The following NRG1 variants were observed in gnomAD, a reference collection of about 807,000 sequenced individuals.
The protein encoded by NRG1 is pro-neuregulin-1, membrane-bound isoform.
A neutral mutation model predicts 63.8 loss-of-function variants in NRG1; 18 were observed. That is an observed-to-expected ratio of 0.28 (90% CI 0.19 to 0.42). The LOEUF (loss-of-function observed/expected upper bound fraction) is 0.42. NRG1 is among the 10% of genes least tolerant of loss of function. The pLI is 1.00. For synonymous variants in NRG1, 302 were observed against 301.3 expected (o/e 1.00, Z -0.02); for missense variants, 762 against 814.7 (o/e 0.94, Z 0.79).
chr8:31,966,202 A>G (rs1806296352), intron 1 of NRG1, among the ~76,000 whole-genome samples: 1 of 151,278 alleles, frequency 6.6e-6, no homozygotes, highest in Admixed American at 6.6e-5. Flanking sequence ...TGCAATGTCA[A>G]GAAACATTTT....
chr8:32,382,221 A>G (rs933356485), intron 1 of NRG1, among the ~76,000 whole-genome samples: 1 of 152,200 alleles, frequency 6.6e-6, no homozygotes, highest in Non-Finnish European at 1.5e-5. Flanking sequence ...CAAATTTAGC[A>G]GGTGTCAGAA....
intron 1 of NRG1, among the ~76,000 whole-genome samples, chr8:32,074,130 A>T (rs1193686666): frequency 6.6e-6 from 1 of 152,186 alleles, no homozygotes; most frequent in Non-Finnish European, 1.5e-5. Flanking sequence ...TACTATACTA[A>T]ACCAAGGATG....
intron 1 of NRG1, among the ~76,000 whole-genome samples, chr8:32,505,274 T>G (rs1828382460): frequency 6.6e-6 from 1 of 152,200 alleles, no homozygotes; most frequent in South Asian, 2.1e-4. Flanking sequence ...CTTGTTAATT[T>G]TGTTAAGGGA....
intron 1 of NRG1, among the ~76,000 whole-genome samples, chr8:31,705,798 A>T (rs73672714): frequency 6.6e-6 from 1 of 152,190 alleles, no homozygotes. Context: ...TTAATATTCT[A>T]TGCTTTCAGA....
intron 1 of NRG1, among the ~76,000 whole-genome samples, chr8:32,332,886 A>T (rs1802820920): frequency 6.6e-6 from 1 of 152,214 alleles, no homozygotes; most frequent in South Asian, 2.1e-4. Context: ...TGATTTAAAT[A>T]ATACATGCCC....
intron 1 of NRG1, among the ~76,000 whole-genome samples, chr8:32,149,716 G>A (rs1384714554): frequency 6.6e-6 from 1 of 152,140 alleles, no homozygotes; most frequent in Non-Finnish European, 1.5e-5. Context: ...TATCTGTCAG[G>A]AACTTCATAT....
intron 1 of NRG1, among the ~76,000 whole-genome samples, chr8:32,313,354 C>T (rs1857032057): frequency 6.6e-6 from 1 of 152,138 alleles, no homozygotes; most frequent in Non-Finnish European, 1.5e-5. Context: ...GACTTGTTTG[C>T]CACTACTCAG....
intron 1 of NRG1, among the ~76,000 whole-genome samples, chr8:32,383,059 TA>T (rs56030067): frequency 0.11 from 13,790 of 126,322 alleles, 690 homozygotes; most frequent in African/African-American, 0.15. Flanking sequence ...TCGTCCCTAC[TA>T]AAAAAAAAAA....
At chr8:32,762,059 A>AAAAAAAC (rs1162893361) in intron 11 of NRG1, among the ~76,000 whole-genome samples, 1 of 148,264 alleles carries the variant, frequency 6.7e-6, no homozygotes, top group African/African-American at 2.6e-5. Flanking sequence ...AAAAAAAAAA[A>AAAAAAAC]ACATTCTGGA....
chr8:32,481,492 C>T (rs151013240), intron 1 of NRG1, among the ~76,000 whole-genome samples: 7 of 152,302 alleles, frequency 4.6e-5, no homozygotes, highest in African/African-American at 1.7e-4. Context: ...GAAAAGTTAG[C>T]CATTATCATG....
chr8:31,683,674 C>T (rs961760862), intron 1 of NRG1, among the ~76,000 whole-genome samples: 8 of 152,032 alleles, frequency 5.3e-5, no homozygotes, highest in African/African-American at 1.9e-4. Context: ...GAGAGTGAAT[C>T]CTAATATGAG....
intron 1 of NRG1, among the ~76,000 whole-genome samples, chr8:32,099,127 G>A (rs1203839293): frequency 6.6e-6 from 1 of 152,212 alleles, no homozygotes; most frequent in African/African-American, 2.4e-5. Context: ...TGACTGCAAG[G>A]AGACAAAGGC....
intron 1 of NRG1, among the ~76,000 whole-genome samples, chr8:32,485,013 T>C (rs957966341): frequency 6.6e-6 from 1 of 152,174 alleles, no homozygotes; most frequent in African/African-American, 2.4e-5. Context: ...GTTTCAGAAA[T>C]ACTAAACTTC....
intron 1 of NRG1, among the ~76,000 whole-genome samples, chr8:32,214,465 T>G (rs1440412003): frequency 6.6e-6 from 1 of 152,160 alleles, no homozygotes; most frequent in Non-Finnish European, 1.5e-5. Flanking sequence ...ATTGCTTTCC[T>G]TTGGATATTA....
intron 1 of NRG1, among the ~76,000 whole-genome samples, chr8:31,699,369 C>T (rs186212743): frequency 1.9e-4 from 29 of 152,080 alleles, no homozygotes; most frequent in East Asian, 1.5e-3. Context: ...GCAAAGAAGA[C>T]GGTGAAGATG....
intron 1 of NRG1, among the ~76,000 whole-genome samples, chr8:32,070,972 G>A (rs114253694): frequency 0.012 from 1,776 of 152,162 alleles, 30 homozygotes; most frequent in African/African-American, 0.038. Context: ...TTTCCAGCAC[G>A]CACCAAGCTC....
At chr8:32,739,501 T>C (rs1825857437) in intron 6 of NRG1, among the ~76,000 whole-genome samples, 1 of 152,150 alleles carries the variant, frequency 6.6e-6, no homozygotes, top group Non-Finnish European at 1.5e-5. Flanking sequence ...GTAGTTCTGG[T>C]GTTAGTGCAC....
At chr8:31,821,899 G>A (rs895152696) in intron 1 of NRG1, among the ~76,000 whole-genome samples, 31 of 152,288 alleles carry the variant, frequency 2.0e-4, no homozygotes, top group African/African-American at 7.5e-4. Context: ...CCTGGTTTAT[G>A]TGTGCTATTT....
chr8:32,362,549 A>ATGC (rs1342898702), intron 1 of NRG1, among the ~76,000 whole-genome samples: 3 of 152,152 alleles, frequency 2.0e-5, no homozygotes, highest in African/African-American at 7.2e-5. Flanking sequence ...TTTGGTTATG[A>ATGC]TGCTGCACTA....
Sources: allele counts gnomAD v4.1 joint callset (sites outside exome capture counted in the v4.1 genomes callset), GRCh38; gene constraint gnomAD v4.1.1; transcripts MANE v1.5; gene names NCBI Gene and HGNC (gene_info 2026-07-23, HGNC 2026-07-21).